The following SMAP1 variants were observed in gnomAD, a reference collection of about 807,000 sequenced individuals.
SMAP1 encodes stromal membrane-associated protein 1.
A neutral mutation model predicts 58.5 loss-of-function variants in SMAP1; 24 were observed. The observed-to-expected ratio is 0.41, with a 90% CI of 0.30 to 0.58. The LOEUF (loss-of-function observed/expected upper bound fraction) is 0.58, where lower values mean the gene tolerates loss of function less well. SMAP1 is among the 20% of genes least tolerant of loss of function. The pLI, the probability that SMAP1 is intolerant of heterozygous loss-of-function variation, is 0.29. For missense variants in SMAP1, 563 were observed against 566.3 expected, an observed-to-expected ratio of 0.99 and a Z score of 0.06; for synonymous variants, 216 against 196.6, an observed-to-expected ratio of 1.10 and a Z score of -0.82.
At chr6:70,744,359 T>C (rs1765937588) in intron 2 of SMAP1, among the ~76,000 whole-genome samples, 1 of 151,956 alleles carries the variant, frequency 6.6e-6, no homozygotes, top group African/African-American at 2.4e-5. Flanking sequence ...GTGTGTGATG[T>C]TCCCCACACT....
In SMAP1 at chr6:70,858,244, C is replaced by G; in HGVS notation, c.1269+15C>G. ...GCCTCTCACAGGTAGGGGTCATTTA[C>G]TTTCTAGCTTCTCCCAAATCAAACC... On this transcript the variant is annotated intron_variant, in intron 10 of 10. Transcript: ENST00000370455. The G allele has an allele frequency of 1.6e-6, 2 of 1,219,532 alleles. No individual in the cohort carries two copies. Among genetic ancestry groups the G allele is most frequent in the Non-Finnish European group, 2.3e-6 (2 of 885,302 alleles). The allele number at this position is 1,219,532 out of a possible 1,614,324, so 75.5% of individuals were successfully genotyped here.
chr6:70,789,069 CCT>C (rs1443552722), intron 4 of SMAP1, among the ~76,000 whole-genome samples: 5 of 152,030 alleles, frequency 3.3e-5, no homozygotes, highest in Non-Finnish European at 7.4e-5. Context: ...CTCATTTACC[CCT>C]GTGTTCTGTA....
intron 1 of SMAP1, among the ~76,000 whole-genome samples, chr6:70,690,285 T>C (rs1767104446): frequency 6.6e-6 from 1 of 152,160 alleles, no homozygotes; most frequent in Non-Finnish European, 1.5e-5. Context: ...TCTTTTGAGA[T>C]GATCATATAG....
intron 1 of SMAP1, among the ~76,000 whole-genome samples, chr6:70,675,670 A>C (rs983268361): frequency 2.0e-5 from 3 of 152,040 alleles, no homozygotes; most frequent in African/African-American, 7.2e-5. Context: ...AAAAAAAGAA[A>C]AAAACAACTT....
chr6:70,848,588 T>C (rs1771073608), intron 7 of SMAP1, among the ~76,000 whole-genome samples: 1 of 152,206 alleles, frequency 6.6e-6, no homozygotes, highest in South Asian at 2.1e-4. Flanking sequence ...GGAAGTCTTT[T>C]CATTGCTCTG....
chr6:70,667,905 C>G lies in SMAP1; in HGVS notation c.-119C>G. 1 of 763,616 alleles carries G rather than the reference C, an allele frequency of 1.3e-6. No homozygotes were observed. Among genetic ancestry groups the G allele is most frequent in the South Asian group, 2.2e-5 (1 of 46,132 alleles). 47.3% of individuals were successfully genotyped at this position (763,616 alleles called of 1,614,324 possible). On this transcript the variant is annotated 5_prime_UTR_variant, in exon 1 of 11. Transcript: ENST00000370455. ...CTCCTCCCGTTCCAGCTGCCGCTGC[C>G]GCTTCCTGGGCTGAGTCCGCCCGCG...
chr6:70,859,540 C>G, intron 10 of SMAP1: 1 of 620,608 alleles, frequency 1.6e-6, no homozygotes, highest in Non-Finnish European at 2.7e-6. Flanking sequence ...CAGTCTAACT[C>G]TGAGTGTAAG....
intron 2 of SMAP1, among the ~76,000 whole-genome samples, chr6:70,733,849 G>A (rs1183007391): frequency 6.6e-6 from 1 of 152,240 alleles, no homozygotes; most frequent in East Asian, 1.9e-4. Flanking sequence ...CAGTTATTCA[G>A]AAATATTTTT....
chr6:70,860,313 C>G lies in SMAP1; in HGVS notation c.1383C>G (p.Leu461=). 6.2e-7 allele frequency: 1 copy of G among 1,610,374 alleles called. No homozygotes were observed. Among genetic ancestry groups the G allele is most frequent in the Non-Finnish European group, 8.5e-7 (1 of 1,179,050 alleles). Residue 461 remains leucine (L), a synonymous_variant, in exon 11 of 11, where the codon CTC becomes CTG. Coordinates refer to ENST00000370455, the MANE Select transcript of SMAP1 (RefSeq NM_001044305.3). ...GWSGSSSGQT[L]STQLWK is the part of the protein sequence containing the mutation. ...CTGGAAGCTCATCAGGTCAGACTCT[C>G]AGCACACAACTGTGGAAATGAAAAC...
intron 1 of SMAP1, among the ~76,000 whole-genome samples, chr6:70,706,839 G>A (rs910591267): frequency 6.6e-6 from 1 of 152,060 alleles, no homozygotes; most frequent in Admixed American, 6.6e-5. Flanking sequence ...TAGAATTCAC[G>A]AATAAAAGAG....
rs1771230754 is a variant in SMAP1, at chr6:70,852,598, T to C, written c.723T>C (p.Asp241=). Residue 241 remains aspartate (D), a synonymous_variant, in exon 8 of 11, where the codon GAT becomes GAC. Transcript: ENST00000370455. ...ACACAACGGTGCCACCCCTGAACGATGATCTGGACATCTTTGGACCGATGA... is the reference window on the plus strand; with the variant it reads ...ACACAACGGTGCCACCCCTGAACGACGATCTGGACATCTTTGGACCGATGA... ...NGNTTVPPLN[D]DLDIFGPMIS... 3.1e-6 allele frequency: 5 copies of C among 1,610,554 alleles called. No homozygotes were observed. Among genetic ancestry groups the C allele is most frequent in the Non-Finnish European group, 4.2e-6 (5 of 1,178,286 alleles).
chr6:70,680,535 A>G lies in SMAP1; in HGVS notation c.118+12394A>G, dbSNP rs1157329834. ...TCATAATAGCCAAACACTGGAAACA[A>G]TTCAAATGTTTTATCAGTTGACGAA... On this transcript the variant is annotated intron_variant, in intron 1 of 10. Coordinates refer to ENST00000370455, the MANE Select transcript of SMAP1 (RefSeq NM_001044305.3). 5.3e-5 allele frequency among the ~76,000 whole-genome samples: 8 copies of G among 152,294 alleles called. No individual in the cohort carries two copies. The South Asian group carries it at 1.7e-3, about 32-fold the overall frequency.
chr6:70,836,745 T>C (rs1379733518), intron 6 of SMAP1, among the ~76,000 whole-genome samples, 196 bp from the exon 7 acceptor site: 1 of 152,230 alleles, frequency 6.6e-6, no homozygotes, highest in Non-Finnish European at 1.5e-5. Context: ...GGTCCCAATA[T>C]GTGAGGATTG....
rs765021574 is a variant in SMAP1 at position 70,804,786 on chromosome 6, G to C, written c.576+6049G>C. Among the ~76,000 whole-genome samples, 21 of 152,088 alleles carry C rather than the reference G, an allele frequency of 1.4e-4. 1 individual carries two copies. The highest frequency in any genetic ancestry group is 4.3e-4 in the African/African-American group (18 of 41,412). ...AGTTTGGCTGGATATGAAATTCTGG[G>C]TTGAAAATTCTTTTCTTTAAGAATG... On this transcript the variant is annotated intron_variant, in intron 6 of 10. Transcript: ENST00000370455.
At chr6:70,825,543 TA>T (rs997754606) in intron 6 of SMAP1, among the ~76,000 whole-genome samples, 1 of 152,028 alleles carries the variant, frequency 6.6e-6, no homozygotes, top group South Asian at 2.1e-4. Context: ...TTACTGCTTT[TA>T]AAAAAAATCT....
intron 6 of SMAP1, among the ~76,000 whole-genome samples, chr6:70,820,228 A>G (rs1332973388): frequency 6.6e-6 from 1 of 152,208 alleles, no homozygotes; most frequent in Non-Finnish European, 1.5e-5. Flanking sequence ...TTGATTAAAT[A>G]TATAAGCATT....
chr6:70,709,128 T>G (rs544254036), intron 1 of SMAP1, among the ~76,000 whole-genome samples: 4 of 152,076 alleles, frequency 2.6e-5, no homozygotes, highest in African/African-American at 9.7e-5. Flanking sequence ...TTTCATTCTT[T>G]TGCATTAGAT....
intron 6 of SMAP1, among the ~76,000 whole-genome samples, chr6:70,824,274 T>G (rs991497651): frequency 2.6e-5 from 4 of 152,168 alleles, no homozygotes; most frequent in African/African-American, 9.7e-5. Flanking sequence ...AATATGAATC[T>G]TAATTATTAT....
intron 3 of SMAP1, among the ~76,000 whole-genome samples, chr6:70,768,481 G>T (rs1025057371): frequency 1.3e-5 from 2 of 152,188 alleles, no homozygotes; most frequent in East Asian, 3.8e-4. Context: ...AGTCTTGGGA[G>T]GGTGTATGTG....
Sources: allele counts gnomAD v4.1 joint callset (sites outside exome capture counted in the v4.1 genomes callset), GRCh38; gene constraint gnomAD v4.1.1; transcripts MANE v1.5; gene names NCBI Gene and HGNC (gene_info 2026-07-23, HGNC 2026-07-21).